The following TECRL variants were observed in gnomAD, a reference collection of about 807,000 sequenced individuals.
The protein encoded by TECRL is trans-2,3-enoyl-CoA reductase like.
A neutral mutation model predicts 52.8 loss-of-function variants in TECRL; 63 were observed. The ratio of observed to expected loss-of-function variants is 1.19; its 90% CI spans 0.97 to 1.47. The LOEUF is 1.47. Ranked by LOEUF, TECRL falls within the 40% of genes most tolerant of loss-of-function variation. The pLI, the probability that TECRL is intolerant of heterozygous loss-of-function variation, is 0.00. For synonymous variants in TECRL, 164 were observed against 141.9 expected (o/e 1.16, Z -1.10); for missense variants, 482 against 429.6 (o/e 1.12, Z -1.08).
chr4:64,291,222 A>C (rs1723365763), intron 8 of TECRL, among the ~76,000 whole-genome samples: 1 of 152,060 alleles, frequency 6.6e-6, no homozygotes, highest in African/African-American at 2.4e-5. Context: ...TACCCTACAC[A>C]GCCTATTTGC....
Position 64,409,302 on chromosome 4 carries a change from AGTAATGCTCTCTT to A in TECRL, c.37_49del (p.Lys13PhefsTer10). 6.2e-7 allele frequency: 1 copy of A among 1,613,848 alleles called. No individual in the cohort carries two copies. Among genetic ancestry groups the A allele is most frequent in the Non-Finnish European group, 8.5e-7 (1 of 1,179,826 alleles). On this transcript the variant is annotated frameshift_variant, in exon 1 of 12. Transcript: ENST00000381210. LOFTEE classifies it high-confidence loss of function. ...TATGAACCGTGTAGCTCTTTGGGAAAGTAATGCTCTCTTGCGTTCCGAAGCGAGGGACTTGTGC... is the reference window on the plus strand; with the variant it reads ...TATGAACCGTGTAGCTCTTTGGGAAAGCGTTCCGAAGCGAGGGACTTGTGC...
chr4:64,310,442 T>TTTG (rs1355448742), intron 5 of TECRL, among the ~76,000 whole-genome samples: 6 of 152,164 alleles, frequency 3.9e-5, no homozygotes, highest in Non-Finnish European at 8.8e-5. Flanking sequence ...GTGCTTTGTT[T>TTTG]TTGTTTTGTT....
At chr4:64,403,475 GCACACACACACA>G (rs148711260) in intron 1 of TECRL, among the ~76,000 whole-genome samples, 1 of 148,238 alleles carries the variant, frequency 6.7e-6, no homozygotes, top group African/African-American at 2.5e-5. Flanking sequence ...CTCCCTGAGC[GCACACACACACA>G]CACACACACA....
intron 1 of TECRL, among the ~76,000 whole-genome samples, chr4:64,387,676 C>T (rs1387306170): frequency 1.3e-5 from 2 of 151,728 alleles, no homozygotes; most frequent in East Asian, 1.9e-4. Flanking sequence ...TATATTTATT[C>T]GCCATTTGTA....
chr4:64,378,078 T>A (rs73821167), intron 1 of TECRL, among the ~76,000 whole-genome samples: 3,189 of 152,144 alleles, frequency 0.021, 97 homozygotes, highest in African/African-American at 0.071. Flanking sequence ...AAAGATGAAC[T>A]GATATAAATA....
intron 7 of TECRL, among the ~76,000 whole-genome samples, chr4:64,301,541 G>GT (rs1724019494): frequency 2.6e-5 from 4 of 151,156 alleles, no homozygotes; most frequent in Admixed American, 2.6e-4. Context: ...TGAACTTATA[G>GT]TCTGACCCAG....
chr4:64,402,916 G>A (rs1362205141), intron 1 of TECRL, among the ~76,000 whole-genome samples: 1 of 151,954 alleles, frequency 6.6e-6, no homozygotes, highest in Non-Finnish European at 1.5e-5. Context: ...AAATCACTCT[G>A]CCTAAAGTAG....
intron 9 of TECRL, among the ~76,000 whole-genome samples, chr4:64,281,979 A>C (rs1357076334): frequency 6.6e-6 from 1 of 151,894 alleles, no homozygotes; most frequent in Non-Finnish European, 1.5e-5. Context: ...AGATTATTAA[A>C]TACCTCAAAA....
At chr4:64,281,173 T>G in intron 10 of TECRL, 87 bp from the exon 11 acceptor site, 1 of 922,524 alleles carries the variant, frequency 1.1e-6, no homozygotes, top group Non-Finnish European at 1.6e-6. Flanking sequence ...ATTTTAAGGC[T>G]TAAAATATTA....
intron 2 of TECRL, among the ~76,000 whole-genome samples, chr4:64,346,274 G>A (rs1289794735): frequency 6.6e-6 from 1 of 152,194 alleles, no homozygotes; most frequent in Admixed American, 6.5e-5. Context: ...CTGGAGGATG[G>A]TGGCTGTTTT....
At chr4:64,295,437 T>G (rs2109962138) in intron 8 of TECRL, among the ~76,000 whole-genome samples, 2 of 151,576 alleles carry the variant, frequency 1.3e-5, no homozygotes, top group South Asian at 4.2e-4. Flanking sequence ...AGGCTTAAAA[T>G]TATTTCATCT....
chr4:64,361,561 C>A (rs1001546337), intron 2 of TECRL, among the ~76,000 whole-genome samples: 2 of 152,110 alleles, frequency 1.3e-5, no homozygotes, highest in Non-Finnish European at 2.9e-5. Flanking sequence ...GGCCTGGGCC[C>A]AGCCCTCCAG....
chr4:64,278,396 A>C lies in TECRL; in HGVS notation c.*1676T>G, dbSNP rs1722653931. On this transcript the variant is annotated 3_prime_UTR_variant, in exon 12 of 12. Coordinates refer to ENST00000381210, the MANE Select transcript of TECRL (RefSeq NM_001010874.5). ...AATAAAAGAATTAAATTATTGTCAAAATAATGAGATTCAAGTAATTTAAAT... is the reference window on the plus strand; with the variant it reads ...AATAAAAGAATTAAATTATTGTCAACATAATGAGATTCAAGTAATTTAAAT... 1 of 245,796 alleles carries C rather than the reference A, an allele frequency of 4.1e-6. No homozygotes were observed. The highest frequency in any genetic ancestry group is 1.5e-4 in the South Asian group (1 of 6,638). 15.2% of individuals were successfully genotyped at this position (245,796 alleles called of 1,614,324 possible). A position where few individuals can be genotyped will look rare whatever the true frequency, so the allele number is the denominator to read the frequency against.
chr4:64,336,721 T>C (rs1007954655), intron 2 of TECRL, among the ~76,000 whole-genome samples: 7 of 152,220 alleles, frequency 4.6e-5, no homozygotes, highest in African/African-American at 1.4e-4. Flanking sequence ...TTGTTCTCAC[T>C]GGTTTCAAAG....
chr4:64,406,468 C>T (rs917949559), intron 1 of TECRL, among the ~76,000 whole-genome samples: 1 of 151,642 alleles, frequency 6.6e-6, no homozygotes, highest in South Asian at 2.1e-4. Context: ...TATCAAAAGG[C>T]TCAGCATTTG....
chr4:64,355,918 A>G (rs1213596850), intron 2 of TECRL, among the ~76,000 whole-genome samples: 4 of 152,086 alleles, frequency 2.6e-5, no homozygotes, highest in Non-Finnish European at 5.9e-5. Flanking sequence ...TACTGTGTCT[A>G]TGTAGAAAGG....
At chr4:64,373,980 G>GATAT (rs1354305264) in intron 2 of TECRL, among the ~76,000 whole-genome samples, 1 of 105,724 alleles carries the variant, frequency 9.5e-6, no homozygotes, top group Non-Finnish European at 1.9e-5. Flanking sequence ...GTATATAGTA[G>GATAT]ATATATATAT....
At chr4:64,384,031 A>T (rs942468632) in intron 1 of TECRL, among the ~76,000 whole-genome samples, 1 of 152,068 alleles carries the variant, frequency 6.6e-6, no homozygotes, top group East Asian at 1.9e-4. Flanking sequence ...TCAGAGGCTT[A>T]GGCTGCACTT....
chr4:64,328,463 A>G (rs1275668050), intron 3 of TECRL, 49 bp downstream of exon 3: 1 of 1,510,062 alleles, frequency 6.6e-7, no homozygotes, highest in Admixed American at 1.8e-5. Context: ...TTGAAAATAG[A>G]AAAGGGATTA....
Sources: allele counts gnomAD v4.1 joint callset (sites outside exome capture counted in the v4.1 genomes callset), GRCh38; gene constraint gnomAD v4.1.1; transcripts MANE v1.5; gene names NCBI Gene and HGNC (gene_info 2026-07-23, HGNC 2026-07-21).